Variants in CSMD1 observed in about 807,000 individuals in gnomAD.
The protein encoded by CSMD1 is CUB and sushi domain-containing protein 1.
Under a neutral mutation model 417.5 loss-of-function variants are expected in CSMD1, and 213 were observed. The ratio of observed to expected loss-of-function variants is 0.51; its 90% CI spans 0.46 to 0.57. The LOEUF (loss-of-function observed/expected upper bound fraction) is 0.57. Among genes scored for constraint, CSMD1 ranks in the 20% least tolerant of loss-of-function variants. The pLI, the probability that CSMD1 is intolerant of heterozygous loss-of-function variation, is 0.00. For synonymous variants in CSMD1, 2,862 were observed against 1,736.8 expected, an observed-to-expected ratio of 1.65 and a Z score of -16.11; for missense variants, 6,923 against 4,529.7, an observed-to-expected ratio of 1.53 and a Z score of -15.17.
rs187744655 is a variant in CSMD1 at position 3,670,590 on chromosome 8, G to A, written c.1009+37824C>T. Reference sequence around the variant, plus strand: ...TATATATATATGGGATATATATGGGGATATATATATTGCACATATATATGG... The same window carrying A: ...TATATATATATGGGATATATATGGGAATATATATATTGCACATATATATGG... On this transcript the variant is annotated intron_variant, in intron 7 of 69. Coordinates refer to ENST00000635120, the MANE Select transcript of CSMD1 (RefSeq NM_033225.6). Among the ~76,000 whole-genome samples, 29 of 145,736 alleles carry A rather than the reference G, an allele frequency of 2.0e-4. No homozygotes were observed. The East Asian group carries it at 5.4e-3, about 27-fold the overall frequency.
At chr8:3,957,910 G>C (rs752667797) in intron 5 of CSMD1, among the ~76,000 whole-genome samples, 38 of 152,090 alleles carry the variant, frequency 2.5e-4, no homozygotes, top group Admixed American at 2.2e-3. Flanking sequence ...CCTTTGTTTG[G>C]CTGGTGATCT....
intron 3 of CSMD1, among the ~76,000 whole-genome samples, chr8:4,286,081 A>G (rs1797041631): frequency 6.6e-6 from 1 of 152,100 alleles, no homozygotes; most frequent in African/African-American, 2.4e-5. Context: ...ACAGCTGGAG[A>G]AATACACATT....
intron 21 of CSMD1, among the ~76,000 whole-genome samples, chr8:3,355,677 C>G (rs1808733238): frequency 6.6e-6 from 1 of 152,172 alleles, no homozygotes; most frequent in African/African-American, 2.4e-5. Context: ...ACTGGCAAAA[C>G]TGAGAGATGC....
At position 2,954,254 on chromosome 8, in the gene CSMD1, C is replaced by G. The variant is rs1802841200; in HGVS notation, c.10009G>C (p.Glu3337Gln). The G allele has an allele frequency of 2.0e-6, 3 of 1,494,160 alleles. No homozygotes were observed. The highest frequency in any genetic ancestry group is 1.2e-5 in the South Asian group (1 of 80,146). The allele number at this position is 1,494,160 out of a possible 1,614,324, so 92.6% of individuals were successfully genotyped here. The change falls in exon 65 of 70, where the codon GAA becomes CAA. Residue 3337 changes from glutamate (E) to glutamine (Q), a missense_variant. Coordinates refer to ENST00000635120, the MANE Select transcript of CSMD1 (RefSeq NM_033225.6). Reference protein sequence around the residue: ...SPVCKSKGVREVNETVTKTPV... With the variant: ...SPVCKSKGVRQVNETVTKTPV... The stretch of plus-strand genomic sequence containing the variant: ...GTTTTAGTAACTGTTTCATTAACTT[C>G]TCTCACTCCTTTACCTACAAGTAAA...
chr8:3,969,483 G>GT (rs893429437), intron 5 of CSMD1, among the ~76,000 whole-genome samples: 29 of 151,970 alleles, frequency 1.9e-4, no homozygotes, highest in African/African-American at 4.8e-4. Flanking sequence ...ATAAGTTTGT[G>GT]TTTTTTTTCC....
At chr8:3,039,330 T>TCTTCCTTCCTTCTTTTC (rs1810917087) in intron 50 of CSMD1, among the ~76,000 whole-genome samples, 1 of 149,548 alleles carries the variant, frequency 6.7e-6, no homozygotes, top group African/African-American at 2.5e-5. Context: ...TCTTTTCCTT[T>TCTTCCTTCCTTCTTTTC]CTTTCTTCCT....
chr8:3,485,773 A>G (rs1817994969), intron 11 of CSMD1, among the ~76,000 whole-genome samples: 2 of 16,780 alleles, frequency 1.2e-4, no homozygotes, highest in East Asian at 5.7e-3. Flanking sequence ...AAAATAAAAT[A>G]AAATAAAATA....
chr8:4,680,969 T>TGC (rs1475074459), intron 1 of CSMD1, among the ~76,000 whole-genome samples: 3 of 123,342 alleles, frequency 2.4e-5, no homozygotes, highest in Non-Finnish European at 3.4e-5. Context: ...TGTGTGTGTG[T>TGC]GTGTGTGAGA....
chr8:3,603,702 T>G (rs759491183), intron 8 of CSMD1, among the ~76,000 whole-genome samples: 2 of 152,234 alleles, frequency 1.3e-5, no homozygotes, highest in African/African-American at 4.8e-5. Flanking sequence ...GTATTCATTA[T>G]AGTTTCCAAA....
At chr8:4,458,350 AATC>A (rs1799612021) in intron 2 of CSMD1, among the ~76,000 whole-genome samples, 1 of 152,204 alleles carries the variant, frequency 6.6e-6, no homozygotes, top group Admixed American at 6.5e-5. Flanking sequence ...TTATATCAGT[AATC>A]ATAATAATGA....
intron 3 of CSMD1, among the ~76,000 whole-genome samples, chr8:4,178,750 A>G (rs1378231151): frequency 1.3e-5 from 2 of 152,212 alleles, no homozygotes; most frequent in African/African-American, 4.8e-5. Context: ...ATACAAAATC[A>G]ATGTACAAAA....
intron 8 of CSMD1, among the ~76,000 whole-genome samples, chr8:3,610,045 C>T (rs1385741770): frequency 6.6e-6 from 1 of 151,778 alleles, no homozygotes; most frequent in Non-Finnish European, 1.5e-5. Flanking sequence ...CGAGATTCAC[C>T]CACCTTAGCC....
intron 3 of CSMD1, among the ~76,000 whole-genome samples, chr8:4,372,596 G>C (rs1228526829): frequency 9.3e-5 from 14 of 150,540 alleles, no homozygotes; most frequent in Non-Finnish European, 2.1e-4. Context: ...TTAAAACAAG[G>C]TGAGCGTTTT....
intron 1 of CSMD1, among the ~76,000 whole-genome samples, chr8:4,673,710 G>A (rs1214927798): frequency 2.6e-5 from 4 of 152,104 alleles, no homozygotes; most frequent in Non-Finnish European, 4.4e-5. Flanking sequence ...CCCACAGCTG[G>A]TCAATTAAAT....
intron 3 of CSMD1, among the ~76,000 whole-genome samples, chr8:4,131,065 A>T (rs573869224): frequency 6.6e-6 from 1 of 152,278 alleles, no homozygotes; most frequent in South Asian, 2.1e-4. Flanking sequence ...TCCTTTTTAG[A>T]AATGCCTCAG....
At chr8:3,858,300 A>G (rs1019785528) in intron 5 of CSMD1, among the ~76,000 whole-genome samples, 1 of 152,202 alleles carries the variant, frequency 6.6e-6, no homozygotes, top group Admixed American at 6.5e-5. Flanking sequence ...GATTTCATTA[A>G]TATGAATAAA....
intron 3 of CSMD1, among the ~76,000 whole-genome samples, chr8:4,080,561 A>T (rs1247701491): frequency 6.6e-6 from 1 of 152,216 alleles, no homozygotes; most frequent in Non-Finnish European, 1.5e-5. Flanking sequence ...CCAGAAGATA[A>T]AACTGTATTG....
chr8:4,753,234 G>T (rs1457236862), intron 1 of CSMD1, among the ~76,000 whole-genome samples: 1 of 151,824 alleles, frequency 6.6e-6, no homozygotes, highest in Admixed American at 6.6e-5. Flanking sequence ...GCTTTTTTCT[G>T]CTGTTCTGGG....
chr8:3,502,754 A>G (rs1462764483), intron 10 of CSMD1, among the ~76,000 whole-genome samples: 2 of 152,202 alleles, frequency 1.3e-5, no homozygotes, highest in Non-Finnish European at 2.9e-5. Context: ...TAGGACAGTG[A>G]AACTCTCTGT....
Sources: allele counts gnomAD v4.1 joint callset (sites outside exome capture counted in the v4.1 genomes callset), GRCh38; gene constraint gnomAD v4.1.1; transcripts MANE v1.5; gene names NCBI Gene and HGNC (gene_info 2026-07-23, HGNC 2026-07-21).